The following NMNAT3 variants were observed in gnomAD, a reference collection of about 807,000 sequenced individuals.
The protein encoded by NMNAT3 is nicotinamide/nicotinic acid mononucleotide adenylyltransferase 3.
NMNAT3 carries 21 observed loss-of-function variants against 24.8 expected under a neutral mutation model. The ratio of observed to expected loss-of-function variants is 0.85; its 90% CI spans 0.60 to 1.22. The LOEUF is 1.22. Ranked by LOEUF, NMNAT3 falls within the 50% of genes most tolerant of loss-of-function variation. The pLI, the probability that NMNAT3 is intolerant of heterozygous loss-of-function variation, is 0.00. For missense variants in NMNAT3, 387 were observed against 436.6 expected (o/e 0.89, Z 1.01); for synonymous variants, 136 against 155.2 (o/e 0.88, Z 0.92).
chr3:139,671,137 T>C (rs1301419932), intron 1 of NMNAT3, among the ~76,000 whole-genome samples: 2 of 152,226 alleles, frequency 1.3e-5, no homozygotes, highest in African/African-American at 4.8e-5. Context: ...AATAATAAAA[T>C]AATATAGAAA....
intron 3 of NMNAT3, among the ~76,000 whole-genome samples, chr3:139,606,058 T>C (rs562479373): frequency 1.3e-5 from 2 of 152,220 alleles, no homozygotes; most frequent in Non-Finnish European, 2.9e-5. Flanking sequence ...AGAGTTCCCA[T>C]ATATCCTTTA....
At chr3:139,567,331 C>T (rs942706497) in intron 6 of NMNAT3, 4 of 152,166 alleles carry the variant, frequency 2.6e-5, no homozygotes, top group African/African-American at 9.7e-5. Flanking sequence ...TTCCTCTTTT[C>T]CTAACTGAAT....
At chr3:139,647,304 A>G (rs2056903352) in intron 1 of NMNAT3, among the ~76,000 whole-genome samples, 2 of 152,224 alleles carry the variant, frequency 1.3e-5, no homozygotes, top group Admixed American at 6.5e-5. Context: ...ACAGAGCAAA[A>G]TAACATCTAT....
intron 1 of NMNAT3, among the ~76,000 whole-genome samples, chr3:139,670,393 C>T (rs964633343): frequency 3.3e-5 from 5 of 152,206 alleles, no homozygotes; most frequent in African/African-American, 1.2e-4. Flanking sequence ...TCTGCGCTGG[C>T]TCTGGAGATC....
intron 2 of NMNAT3, 78 bp from the exon 4 acceptor site, chr3:139,627,842 C>G (rs62273066): frequency 0.37 from 191,035 of 521,046 alleles, 38,091 homozygotes; most frequent in South Asian, 0.56. Context: ...AAACCACACA[C>G]AGACCATTAC....
At chr3:139,620,820 G>T (rs150703691) in intron 3 of NMNAT3, among the ~76,000 whole-genome samples, 1 of 152,058 alleles carries the variant, frequency 6.6e-6, no homozygotes, top group Non-Finnish European at 1.5e-5. Context: ...GCAGAAATAC[G>T]CATGGAGCTG....
At chr3:139,617,493 T>C (rs2055561670) in intron 3 of NMNAT3, among the ~76,000 whole-genome samples, 2 of 152,188 alleles carry the variant, frequency 1.3e-5, no homozygotes, top group South Asian at 4.1e-4. Flanking sequence ...AGAATAGCAG[T>C]ACCCACCTGG....
intron 3 of NMNAT3, among the ~76,000 whole-genome samples, chr3:139,597,634 A>G (rs900336923): frequency 6.6e-6 from 1 of 152,154 alleles, no homozygotes; most frequent in Non-Finnish European, 1.5e-5. Context: ...ATTGCTCCCA[A>G]TTCCTCACTC....
In NMNAT3 at chr3:139,606,255, C is replaced by T. The variant is rs370543008; in HGVS notation, c.109+21361G>A. On this transcript the variant is annotated intron_variant, in intron 3 of 6. Coordinates refer to ENST00000643695, the MANE Select transcript of NMNAT3 (RefSeq NM_001320510.2). ...TACAGTCTCTGCTAATCAAGGACAG[C>T]TCCTCAGTCTTCAGCACCTGGGCTT... Among the ~76,000 whole-genome samples, 5 of 152,300 alleles carry T rather than the reference C, an allele frequency of 3.3e-5. No individual in the cohort carries two copies. In the East Asian group the frequency reaches 7.7e-4, roughly 24 times the overall value.
rs185209056 is a variant in NMNAT3 at position 139,564,535 on chromosome 3, C to A, written c.659-3143G>T. 1.3e-4 allele frequency among the ~76,000 whole-genome samples: 20 copies of A among 152,324 alleles called. No homozygotes were observed. The East Asian group carries it at 3.5e-3, about 26-fold the overall frequency. On this transcript the variant is annotated intron_variant, in intron 6 of 6. Transcript: ENST00000643695. ...CTGTTAAAGAACTGAAGGCATCATC[C>A]ATCCCAAAGTGTCACACCCAAGCAG...
chr3:139,632,203 C>T (rs2056328723), intron 2 of NMNAT3, among the ~76,000 whole-genome samples: 1 of 152,186 alleles, frequency 6.6e-6, no homozygotes, highest in African/African-American at 2.4e-5. Context: ...TGTCTACCTC[C>T]TCTCTTTGGT....
chr3:139,609,967 A>G (rs1248745684), intron 3 of NMNAT3: 4 of 152,318 alleles, frequency 2.6e-5, no homozygotes, highest in Admixed American at 6.5e-5. Flanking sequence ...AGACAGTAAA[A>G]CTAAATAAGC....
chr3:139,658,381 C>T (rs975323801), intron 1 of NMNAT3, among the ~76,000 whole-genome samples: 1 of 152,212 alleles, frequency 6.6e-6, no homozygotes, highest in Admixed American at 6.5e-5. Context: ...CAGCTCATTG[C>T]TCCAAGCCTT....
chr3:139,675,525 A>G (rs1368507160), intron 1 of NMNAT3, among the ~76,000 whole-genome samples: 1 of 152,210 alleles, frequency 6.6e-6, no homozygotes, highest in East Asian at 1.9e-4. Flanking sequence ...GCTTTCTGAC[A>G]GTGCAGCTGC....
intron 6 of NMNAT3, among the ~76,000 whole-genome samples, chr3:139,565,194 G>T (rs1021654356): frequency 1.3e-5 from 2 of 151,954 alleles, no homozygotes; most frequent in Non-Finnish European, 2.9e-5. Context: ...TCCTGCCATT[G>T]TAAAAACTGT....
intron 3 of NMNAT3, among the ~76,000 whole-genome samples, chr3:139,583,868 C>T (rs564315268): frequency 6.6e-6 from 1 of 152,388 alleles, no homozygotes; most frequent in South Asian, 2.1e-4. Context: ...TGTGATCGCG[C>T]ACGGACCAGA....
intron 3 of NMNAT3, among the ~76,000 whole-genome samples, chr3:139,598,288 T>A (rs1338944976): frequency 2.0e-5 from 3 of 152,162 alleles, no homozygotes; most frequent in Non-Finnish European, 4.4e-5. Context: ...GTGTTCCTCC[T>A]AGGGGGCTGG....
chr3:139,658,557 A>C (rs997225502), intron 1 of NMNAT3, among the ~76,000 whole-genome samples: 2 of 152,262 alleles, frequency 1.3e-5, no homozygotes, highest in African/African-American at 4.8e-5. Context: ...CAAAGTCAAA[A>C]GAATTTTAAA....
At chr3:139,639,711 T>C (rs1208177847) in intron 1 of NMNAT3, among the ~76,000 whole-genome samples, 1 of 152,194 alleles carries the variant, frequency 6.6e-6, no homozygotes, top group Non-Finnish European at 1.5e-5. Context: ...AAGTCTTTTG[T>C]CTCCGAGGGA....
Sources: gnomAD v4.1 joint callset for allele counts (sites outside exome capture counted in the v4.1 genomes callset) on GRCh38, gnomAD v4.1.1 for gene constraint, MANE v1.5 for transcripts, NCBI Gene and HGNC (gene_info 2026-07-23, HGNC 2026-07-21) for gene names.